CFAP77: variants seen among roughly 807,000 people sequenced by gnomAD.
CFAP77 encodes the protein cilia- and flagella-associated protein 77.
CFAP77 carries 25 observed loss-of-function variants against 31.1 expected under a neutral mutation model. The observed-to-expected ratio is 0.80, with a 90% CI of 0.59 to 1.12. The LOEUF is 1.12. Ranked by LOEUF, CFAP77 falls within the 50% of genes most tolerant of loss-of-function variation. The pLI is 0.00. For synonymous variants in CFAP77, 151 were observed against 159.9 expected (o/e 0.94, Z 0.42); for missense variants, 377 against 397.3 (o/e 0.95, Z 0.44).
rs140037122 is a variant in CFAP77, at chr9:132,498,170, G to T, written c.196-525G>T. 3.3e-3 allele frequency among the ~76,000 whole-genome samples: 509 copies of T among 152,252 alleles called. 3 individuals are homozygous for T. The highest frequency in any genetic ancestry group is 0.012 in the African/African-American group (485 of 41,538). ...GGCCAGGTGCAGATGGGTGGCAGTG[G>T]CCCTGTCACTGTGTCTTCCCCAGGT... On this transcript the variant is annotated intron_variant, in intron 1 of 5. Coordinates refer to ENST00000393216, the MANE Select transcript of CFAP77 (RefSeq NM_001282957.2). This position sits in a 1 kb window ranked among gnomAD's most constrained non-coding sequence, Gnocchi z 4.2.
rs986965655 is a variant in CFAP77 at position 132,452,180 on chromosome 9, G to A, written c.195+41714G>A. 3.3e-5 allele frequency among the ~76,000 whole-genome samples: 5 copies of A among 152,310 alleles called. No homozygotes were observed. In the South Asian group the frequency reaches 1.0e-3, roughly 32 times the overall value. ...ATTAGGGCTCCCCTTGCTGTCTGCAGGGTGGGTCACAATGCATGTGTCTCC... is the reference window on the plus strand; with the variant it reads ...ATTAGGGCTCCCCTTGCTGTCTGCAAGGTGGGTCACAATGCATGTGTCTCC... On this transcript the variant is annotated intron_variant, in intron 1 of 5. Coordinates refer to ENST00000393216, the MANE Select transcript of CFAP77 (RefSeq NM_001282957.2).
intron 5 of CFAP77, among the ~76,000 whole-genome samples, chr9:132,546,959 G>A (rs549882426): frequency 1.4e-4 from 21 of 152,348 alleles, no homozygotes; most frequent in African/African-American, 4.6e-4. Context: ...AGGGGATGGG[G>A]GCCCTTGGAG....
At chr9:132,416,242 C>T (rs1305304828) in intron 1 of CFAP77, among the ~76,000 whole-genome samples, 1 of 151,120 alleles carries the variant, frequency 6.6e-6, no homozygotes, top group Non-Finnish European at 1.5e-5. Flanking sequence ...AAGGGAGGCA[C>T]ACAGTCACAC....
chr9:132,507,297 C>A (rs1245611034), intron 3 of CFAP77, among the ~76,000 whole-genome samples: 1 of 152,176 alleles, frequency 6.6e-6, no homozygotes, highest in Non-Finnish European at 1.5e-5. Flanking sequence ...GAACAAATGG[C>A]CACATTGGGG....
chr9:132,549,656 G>A lies in CFAP77; in HGVS notation c.732+6609G>A, dbSNP rs191341726. Among the ~76,000 whole-genome samples the A allele has an allele frequency of 3.6e-3, 541 of 152,190 alleles. 5 individuals are homozygous for A. The highest frequency in any genetic ancestry group is 0.013 in the African/African-American group (526 of 41,528). ...AGTTTGAGACCAGCCTGGTCAATAT[G>A]GTGAAACTCTGTTTCTACTAAAAAT... On this transcript the variant is annotated intron_variant, in intron 5 of 5. Coordinates refer to ENST00000393216, the MANE Select transcript of CFAP77 (RefSeq NM_001282957.2).
intron 1 of CFAP77, among the ~76,000 whole-genome samples, chr9:132,464,569 T>C (rs1383115715): frequency 2.0e-5 from 3 of 152,228 alleles, no homozygotes; most frequent in African/African-American, 4.8e-5. Flanking sequence ...TAACCCACTA[T>C]GTCCAAAATA....
At chr9:132,438,471 C>T (rs1186263828) in intron 1 of CFAP77, among the ~76,000 whole-genome samples, 1 of 145,708 alleles carries the variant, frequency 6.9e-6, no homozygotes, top group Non-Finnish European at 1.5e-5. Context: ...TAAAAATTTC[C>T]AAGATAAAAG....
intron 5 of CFAP77, among the ~76,000 whole-genome samples, chr9:132,559,500 C>T (rs1228769767): frequency 1.3e-5 from 2 of 152,080 alleles, no homozygotes; most frequent in African/African-American, 2.4e-5. Context: ...ACTCCCCCTA[C>T]AACGGCTAGA....
chr9:132,431,537 A>G (rs1426061501), intron 1 of CFAP77, among the ~76,000 whole-genome samples: 2 of 152,218 alleles, frequency 1.3e-5, no homozygotes, highest in Admixed American at 6.5e-5. Flanking sequence ...AGATAGGACA[A>G]AAAGTAACCC....
chr9:132,542,414 CAG>C (rs1221792685), intron 4 of CFAP77, among the ~76,000 whole-genome samples: 74 of 152,350 alleles, frequency 4.9e-4, no homozygotes, highest in African/African-American at 1.7e-3. Context: ...AGGTCAGGAG[CAG>C]AGGGGCTTCC....
intron 1 of CFAP77, among the ~76,000 whole-genome samples, chr9:132,467,193 C>T (rs1489187128): frequency 6.6e-6 from 1 of 152,050 alleles, no homozygotes; most frequent in African/African-American, 2.4e-5. Context: ...ATAAATAAAT[C>T]ATAAAATATA....
intron 1 of CFAP77, among the ~76,000 whole-genome samples, chr9:132,486,090 A>ATATATTTTTT (rs1281539306): frequency 6.5e-5 from 1 of 15,356 alleles, no homozygotes; most frequent in African/African-American, 4.3e-4. Context: ...ATATATATAT[A>ATATATTTTTT]TTTTTTTTTT....
intron 1 of CFAP77, among the ~76,000 whole-genome samples, chr9:132,489,831 A>C (rs532429): frequency 0.29 from 43,801 of 152,026 alleles, 8,097 homozygotes; most frequent in African/African-American, 0.53. Flanking sequence ...CTGATGGGGC[A>C]CCGGGTGGCT....
chr9:132,418,148 A>G (rs1850139778), intron 1 of CFAP77, among the ~76,000 whole-genome samples: 2 of 152,268 alleles, frequency 1.3e-5, no homozygotes, highest in South Asian at 4.1e-4. Context: ...GGAAGAGATT[A>G]TGGCAAAGTG....
At chr9:132,483,404 G>T (rs1374152169) in intron 1 of CFAP77, among the ~76,000 whole-genome samples, 1 of 152,192 alleles carries the variant, frequency 6.6e-6, no homozygotes, top group Admixed American at 6.5e-5. Context: ...GACAAGGAGC[G>T]TCGAGCCCCT....
intron 5 of CFAP77, among the ~76,000 whole-genome samples, chr9:132,550,168 C>G (rs780754172): frequency 2.0e-5 from 3 of 152,190 alleles, no homozygotes; most frequent in Non-Finnish European, 4.4e-5. Flanking sequence ...ACCTGGGAAC[C>G]CCCAGCCTGG....
chr9:132,514,482 C>T (rs1490420544), intron 3 of CFAP77, among the ~76,000 whole-genome samples: 10 of 152,206 alleles, frequency 6.6e-5, no homozygotes, highest in Admixed American at 2.6e-4. Flanking sequence ...CCACCTGGGA[C>T]TCACCTTTGC....
chr9:132,494,179 C>T (rs764367386), intron 1 of CFAP77, among the ~76,000 whole-genome samples: 27 of 152,050 alleles, frequency 1.8e-4, no homozygotes, highest in Admixed American at 1.0e-3. Context: ...CCCAAAGGGC[C>T]GGGATTACAG....
chr9:132,461,525 A>G (rs557873), intron 1 of CFAP77, among the ~76,000 whole-genome samples: 51,204 of 152,114 alleles, frequency 0.34, 8,906 homozygotes, highest in African/African-American at 0.45. Flanking sequence ...CAGCAGCAGA[A>G]CAGCTTGATT....
Sources: gnomAD v4.1 joint callset for allele counts (sites outside exome capture counted in the v4.1 genomes callset) on GRCh38, gnomAD v4.1.1 for gene constraint, Gnocchi (gnomAD v3.1) non-coding constraint, MANE v1.5 for transcripts, NCBI Gene and HGNC (gene_info 2026-07-23, HGNC 2026-07-21) for gene names.